Variants in GRIP1 observed in about 807,000 individuals in gnomAD.
GRIP1 encodes glutamate receptor-interacting protein 1.
In GRIP1, 45 loss-of-function variants were observed where a neutral mutation model predicts 129.9. That is an observed-to-expected ratio of 0.35 (90% CI 0.27 to 0.44). The LOEUF is 0.44. Ranked by LOEUF, GRIP1 falls within the 20% of genes least tolerant of loss-of-function variation. GRIP1 has a pLI of 1.00. For synonymous variants in GRIP1, 530 were observed against 520.8 expected (o/e 1.02, Z -0.24); for missense variants, 1,196 against 1,396.8 (o/e 0.86, Z 2.29).
At chr12:66,633,541 A>C (rs1182914958) in intron 1 of GRIP1, among the ~76,000 whole-genome samples, 1 of 152,086 alleles carries the variant, frequency 6.6e-6, no homozygotes, top group Non-Finnish European at 1.5e-5. Flanking sequence ...AGAGAGAGGG[A>C]AATGGCATTT....
intron 15 of GRIP1, among the ~76,000 whole-genome samples, chr12:66,415,006 T>C (rs879209843): frequency 7.0e-6 from 1 of 143,480 alleles, no homozygotes; most frequent in African/African-American, 2.6e-5. Context: ...AAGACTTAAA[T>C]GTAAATCCCA....
intron 1 of GRIP1, among the ~76,000 whole-genome samples, chr12:67,066,402 T>G (rs1184066278): frequency 2.6e-5 from 4 of 152,110 alleles, no homozygotes; most frequent in Admixed American, 2.6e-4. Flanking sequence ...GCGTTACATC[T>G]CAAGAAGAGA....
chr12:66,690,633 A>G (rs2034949111), intron 1 of GRIP1, among the ~76,000 whole-genome samples: 1 of 151,714 alleles, frequency 6.6e-6, no homozygotes, highest in Non-Finnish European at 1.5e-5. Context: ...TGGGACGTCA[A>G]GTCAGGAGAA....
At chr12:67,039,038 C>G (rs1296460707) in intron 1 of GRIP1, among the ~76,000 whole-genome samples, 1 of 151,876 alleles carries the variant, frequency 6.6e-6, no homozygotes, top group Non-Finnish European at 1.5e-5. Context: ...CACACACACA[C>G]ACACACACAC....
intron 2 of GRIP1, among the ~76,000 whole-genome samples, chr12:66,552,081 T>G (rs1024814491): frequency 6.6e-6 from 1 of 152,274 alleles, no homozygotes; most frequent in South Asian, 2.1e-4. Context: ...GCACTACAGC[T>G]AGTGAGAGCT....
In GRIP1 at chr12:66,846,529, T is replaced by C. The variant is rs1287425237; in HGVS notation, c.58+222521A>G. Among the ~76,000 whole-genome samples the C allele has an allele frequency of 1.1e-4, 16 of 152,194 alleles. 1 individual carries two copies. The highest frequency in any genetic ancestry group is 1.0e-3 in the Admixed American group (16 of 15,278). ...ATTGTTTTAATAGGCTTTACGATTA[T>C]TTAGGTATGGCAAAGCCAAAAGATC... On this transcript the variant is annotated intron_variant, in intron 1 of 1. Coordinates refer to the GRIP1 transcript ENST00000643019.
At chr12:66,993,079 A>C (rs1310178144) in intron 1 of GRIP1, among the ~76,000 whole-genome samples, 1 of 151,618 alleles carries the variant, frequency 6.6e-6, no homozygotes, top group Admixed American at 6.6e-5. Flanking sequence ...GTGTTACTGC[A>C]CTCCAGCCTG....
rs551444532 is a variant in GRIP1 at position 67,046,819 on chromosome 12, C to T, written c.58+22231G>A. Among the ~76,000 whole-genome samples the T allele has an allele frequency of 5.9e-5, 9 of 152,258 alleles. No homozygotes were observed. The East Asian group carries it at 1.7e-3, about 29-fold the overall frequency. Reference sequence around the variant, plus strand: ...GGATCCTTCACTCTAGAAAATAGTGCTTCAATGGAAATTTAAATTCCCTCC... The same window carrying T: ...GGATCCTTCACTCTAGAAAATAGTGTTTCAATGGAAATTTAAATTCCCTCC... On this transcript the variant is annotated intron_variant, in intron 1 of 1. Coordinates refer to the GRIP1 transcript ENST00000643019.
chr12:66,394,319 G>A lies in GRIP1; in HGVS notation c.2018C>T (p.Thr673Ile). Reference protein sequence around the residue: ...EQESSGAIIYTVELKRYGGPL... With the variant: ...EQESSGAIIYIVELKRYGGPL... ...CCCCCCGTAGCGTTTAAGCTCCACG[G>A]TGTAAATAATTGCTCCGGAACTTTC... Residue 673 changes from threonine to isoleucine, a missense_variant, in exon 17 of 25, where the codon ACC becomes ATC. Physicochemically the swap from Thr to Ile is moderately conservative, Grantham distance 89. Around this residue, in one of 5 missense-constraint regions of GRIP1, gnomAD observed 508 missense variants for 587.0 expected, o/e 0.87. Transcript: ENST00000359742. 6.2e-7 allele frequency: 1 copy of A among 1,613,888 alleles called. No homozygotes were observed. Among genetic ancestry groups the A allele is most frequent in the Middle Eastern group, 1.6e-4 (1 of 6,062 alleles).
rs543326605 is a variant in GRIP1, at chr12:66,363,684, C to T, written c.3012+8010G>A. ...TTTCAGGAAATTCTGTCATTTGTGA[C>T]GATGTGGATGAACCTAGAGGACATT... On this transcript the variant is annotated intron_variant, in intron 23 of 24. Coordinates refer to ENST00000359742, the MANE Select transcript of GRIP1 (RefSeq NM_001366722.1). Among the ~76,000 whole-genome samples, 3 of 151,922 alleles carry T rather than the reference C, an allele frequency of 2.0e-5. 1 individual carries two copies. The highest frequency in any genetic ancestry group is 4.2e-4 in the South Asian group (2 of 4,806).
intron 1 of GRIP1, among the ~76,000 whole-genome samples, chr12:66,865,889 G>T (rs1252263): frequency 0.36 from 54,375 of 151,816 alleles, 10,230 homozygotes; most frequent in African/African-American, 0.45. Flanking sequence ...TTTTCCTAAA[G>T]TTAACCTTTT....
At chr12:66,756,221 C>T (rs1279487898) in intron 1 of GRIP1, among the ~76,000 whole-genome samples, 1 of 152,170 alleles carries the variant, frequency 6.6e-6, no homozygotes, top group East Asian at 1.9e-4. Context: ...AGCCACCAGT[C>T]TACTTTCTGC....
chr12:66,854,879 A>G (rs2039975925), intron 1 of GRIP1, among the ~76,000 whole-genome samples: 1 of 152,040 alleles, frequency 6.6e-6, no homozygotes, highest in South Asian at 2.1e-4. Context: ...AGCAAATAAC[A>G]TAGAGAAACC....
rs1565751885 is a variant in GRIP1 at position 66,451,383 on chromosome 12, G to GGTTTT, written c.1354+4025_1354+4026insAAAAC. 9.4e-5 allele frequency among the ~76,000 whole-genome samples: 4 copies of GGTTTT among 42,650 alleles called. 1 individual carries two copies. The highest frequency in any genetic ancestry group is 1.7e-4 in the Non-Finnish European group (4 of 23,900). The allele number at this position is 42,650 out of a possible 152,430, so 28.0% of individuals were successfully genotyped here. On this transcript the variant is annotated intron_variant, in intron 11 of 24. Transcript: ENST00000359742. ...CCCCAAAGATTTATTATTATAATCT[G>GGTTTT]TTTTTTTTTTTTTTTTTTTTTTTTT...
chr12:66,977,807 ATTTT>A (rs200381983), intron 1 of GRIP1, among the ~76,000 whole-genome samples: 60 of 60,260 alleles, frequency 1.0e-3, no homozygotes, highest in African/African-American at 4.0e-3. Context: ...AGAGCTGAGC[ATTTT>A]TTTTTTTTTT....
At chr12:66,971,513 T>C (rs1327521526) in intron 1 of GRIP1, among the ~76,000 whole-genome samples, 3 of 152,158 alleles carry the variant, frequency 2.0e-5, no homozygotes, top group African/African-American at 2.4e-5. Flanking sequence ...GTTGAGCACC[T>C]ATTATGGTGC....
chr12:67,050,958 C>CTAG (rs2043335660), intron 1 of GRIP1, among the ~76,000 whole-genome samples: 1 of 152,086 alleles, frequency 6.6e-6, no homozygotes, highest in Non-Finnish European at 1.5e-5. Flanking sequence ...ATGTCAGGAC[C>CTAG]TAGTAAAAAG....
chr12:66,697,166 AC>A (rs2035194587), intron 1 of GRIP1, among the ~76,000 whole-genome samples: 1 of 152,220 alleles, frequency 6.6e-6, no homozygotes, highest in East Asian at 1.9e-4. Context: ...AACTTTAACA[AC>A]CATGAACAAA....
chr12:66,974,189 G>A (rs966477330), intron 1 of GRIP1, among the ~76,000 whole-genome samples: 1 of 151,990 alleles, frequency 6.6e-6, no homozygotes, highest in Non-Finnish European at 1.5e-5. Flanking sequence ...CTCCCAAAGT[G>A]CTGGGATTAC....
Sources: allele counts gnomAD v4.1 joint callset (sites outside exome capture counted in the v4.1 genomes callset), GRCh38; gene constraint gnomAD v4.1.1; regional missense constraint gnomAD v4.1.1; transcripts MANE v1.5; gene names NCBI Gene and HGNC (gene_info 2026-07-23, HGNC 2026-07-21).